Variants in VAV2 observed in about 807,000 individuals in gnomAD.
The protein encoded by VAV2 is vav guanine nucleotide exchange factor 2.
In VAV2, 67 loss-of-function variants were observed where a neutral mutation model predicts 132.5. The observed-to-expected ratio is 0.51, with a 90% confidence interval of 0.42 to 0.62. The LOEUF is 0.62. Among genes scored for constraint, VAV2 ranks in the 20% least tolerant of loss-of-function variants. The pLI is 0.00. For synonymous variants in VAV2, 492 were observed against 443.5 expected, an observed-to-expected ratio of 1.11 and a Z score of -1.37; for missense variants, 938 against 1,153.6, an observed-to-expected ratio of 0.81 and a Z score of 2.71.
At chr9:133,856,456 CCCCCCACCGGGACCCCATGCTGGTATGTG>C (rs1837388892) in intron 3 of VAV2, among the ~76,000 whole-genome samples, 1 of 151,364 alleles carries the variant, frequency 6.6e-6, no homozygotes, top group African/African-American at 2.4e-5. Context: ...CTGGTATGTG[CCCCCCACCGGGACCCCATGCTGGTATGTG>C]CCCCCCACTG....
intron 4 of VAV2, among the ~76,000 whole-genome samples, chr9:133,827,051 A>C (rs575799174): frequency 7.9e-5 from 12 of 152,272 alleles, no homozygotes; most frequent in African/African-American, 2.6e-4. Context: ...TGAACAGAAA[A>C]TGGGAACTAG....
At chr9:133,986,571 C>T (rs771179895) in intron 1 of VAV2, among the ~76,000 whole-genome samples, 29 of 152,280 alleles carry the variant, frequency 1.9e-4, no homozygotes, top group Non-Finnish European at 3.4e-4. Context: ...GAGGAGAATG[C>T]CCTTGTTTGC....
In VAV2 at chr9:133,788,267, C is replaced by A. The variant is rs1834312479; in HGVS notation, c.1407+87G>T. 2.7e-6 allele frequency: 3 copies of A among 1,096,222 alleles called. No homozygotes were observed. The Admixed American group carries it at 6.3e-5, about 23-fold the overall frequency. The allele number at this position is 1,096,222 out of a possible 1,614,324, so 67.9% of individuals were successfully genotyped here. ...CCAGCATCAGCGGCTGACTTCGAGT[C>A]CCCTTCCCCTGGGGTCTGGAACCCA... On this transcript the variant is annotated intron_variant, in intron 15 of 29. Coordinates refer to ENST00000371850, the MANE Select transcript of VAV2 (RefSeq NM_001134398.2). This position sits in a 1 kb window ranked among gnomAD's most constrained non-coding sequence, Gnocchi z 5.3.
chr9:133,874,886 C>T (rs114065928), intron 2 of VAV2, among the ~76,000 whole-genome samples: 10 of 152,286 alleles, frequency 6.6e-5, no homozygotes, highest in Middle Eastern at 6.8e-3. Context: ...TGGAGCCAGG[C>T]GCTGTGCATG....
intron 1 of VAV2, among the ~76,000 whole-genome samples, chr9:133,975,889 T>C (rs1842488421): frequency 6.6e-6 from 1 of 152,140 alleles, no homozygotes; most frequent in Non-Finnish European, 1.5e-5. Context: ...TCTTCTCTTG[T>C]CAGGGGACTT....
intron 2 of VAV2, among the ~76,000 whole-genome samples, chr9:133,866,334 T>C (rs532264563): frequency 6.8e-4 from 104 of 152,350 alleles, no homozygotes; most frequent in Non-Finnish European, 8.5e-4. Flanking sequence ...GAGCCCACGC[T>C]CACTGGACCA....
At chr9:133,852,848 G>T (rs759819044) in intron 3 of VAV2, among the ~76,000 whole-genome samples, 1 of 151,896 alleles carries the variant, frequency 6.6e-6, no homozygotes, top group Non-Finnish European at 1.5e-5. Context: ...TGCAGGGTGG[G>T]GGCACAGCCC....
chr9:133,823,657 G>T lies in VAV2; in HGVS notation c.449+10615C>A, dbSNP rs116388255. On this transcript the variant is annotated intron_variant, in intron 4 of 29. Transcript: ENST00000371850. This position sits in a 1 kb window ranked among gnomAD's most constrained non-coding sequence, Gnocchi z 5.5. Reference sequence around the variant, plus strand: ...ACAGCACAGCCCTCTCATTCGGGCCGAAGCCCAGCTGCCTACTCCTTCCTG... The same window carrying T: ...ACAGCACAGCCCTCTCATTCGGGCCTAAGCCCAGCTGCCTACTCCTTCCTG... Among the ~76,000 whole-genome samples the T allele has an allele frequency of 9.0e-3, 1,365 of 152,238 alleles. 2 individuals are homozygous for T. Among genetic ancestry groups the T allele is most frequent in the African/African-American group, 0.019 (804 of 41,538 alleles).
intron 2 of VAV2, among the ~76,000 whole-genome samples, chr9:133,913,221 C>T (rs954255096): frequency 6.6e-6 from 1 of 152,208 alleles, no homozygotes; most frequent in Non-Finnish European, 1.5e-5. Context: ...CCCCTGTGCT[C>T]CCAAACAACG....
chr9:133,911,521 G>A (rs754614542), intron 2 of VAV2, among the ~76,000 whole-genome samples: 1 of 152,124 alleles, frequency 6.6e-6, no homozygotes, highest in Non-Finnish European at 1.5e-5. Context: ...GTACACACCC[G>A]TGACACTGTC....
At position 133,918,632 on chromosome 9, in the gene VAV2, T is replaced by C. The variant is rs1484836101; in HGVS notation, c.321+20471A>G. ...AAGAAAGCTGAGGCCCACAGAGTCATGTAGCATGCCCGAGGTCGCGCCTTT... is the reference window on the plus strand; with the variant it reads ...AAGAAAGCTGAGGCCCACAGAGTCACGTAGCATGCCCGAGGTCGCGCCTTT... On this transcript the variant is annotated intron_variant, in intron 2 of 29. Coordinates refer to ENST00000371850, the MANE Select transcript of VAV2 (RefSeq NM_001134398.2). This position sits in a 1 kb window ranked among gnomAD's most constrained non-coding sequence, Gnocchi z 4.7. Among the ~76,000 whole-genome samples the C allele has an allele frequency of 6.6e-6, 1 of 152,060 alleles. No individual in the cohort carries two copies. Among genetic ancestry groups the C allele is most frequent in the Non-Finnish European group, 1.5e-5 (1 of 68,012 alleles).
intron 3 of VAV2, among the ~76,000 whole-genome samples, chr9:133,844,098 C>T (rs902893107): frequency 2.0e-5 from 3 of 152,304 alleles, no homozygotes; most frequent in Non-Finnish European, 2.9e-5. Flanking sequence ...GAGGAAGACA[C>T]GGATCTCACA....
At chr9:133,779,538 A>G (rs185724847) in intron 21 of VAV2, among the ~76,000 whole-genome samples, 1 of 152,366 alleles carries the variant, frequency 6.6e-6, no homozygotes, top group East Asian at 1.9e-4. Context: ...CGCTGTGTCT[A>G]GAAGCACGTT....
chr9:133,854,572 T>C (rs971412266), intron 3 of VAV2, among the ~76,000 whole-genome samples: 5 of 152,146 alleles, frequency 3.3e-5, no homozygotes, highest in African/African-American at 7.2e-5. Context: ...GGTGCCAGAC[T>C]GATGGAGCAA....
chr9:133,870,123 C>T (rs990242483), intron 2 of VAV2, among the ~76,000 whole-genome samples: 4 of 152,118 alleles, frequency 2.6e-5, no homozygotes, highest in Non-Finnish European at 5.9e-5. Flanking sequence ...CACAGCTTCA[C>T]ATTCAGGTTT....
In VAV2 at chr9:133,776,038, C is replaced by T; in HGVS notation, c.2008G>A (p.Ala670Thr). 1 of 1,612,744 alleles carries T rather than the reference C, an allele frequency of 6.2e-7. No individual in the cohort carries two copies. The highest frequency in any genetic ancestry group is 8.5e-7 in the Non-Finnish European group (1 of 1,179,502). ...RPPSREIDYT[A>T]YPWFAGNMER... Reference sequence around the variant, plus strand: ...CCACGATCCACTCACCAGGGGTATGCAGTGTAGTCGATCTCCCGGGATGGC... The same window carrying T: ...CCACGATCCACTCACCAGGGGTATGTAGTGTAGTCGATCTCCCGGGATGGC... The change falls in exon 24 of 30, where the codon GCA becomes ACA. Residue 670 changes from alanine (A) to threonine (T), a missense_variant. Ala to Thr is a moderately conservative substitution (Grantham distance 58). Coordinates refer to ENST00000371850, the MANE Select transcript of VAV2 (RefSeq NM_001134398.2).
At chr9:133,850,077 C>T (rs922624276) in intron 3 of VAV2, among the ~76,000 whole-genome samples, 2 of 152,206 alleles carry the variant, frequency 1.3e-5, no homozygotes, top group African/African-American at 4.8e-5. Context: ...TGAGAACCAC[C>T]TCTTGCGGCT....
At chr9:133,954,780 ATG>A (rs1564497384) in intron 1 of VAV2, among the ~76,000 whole-genome samples, 1 of 136,368 alleles carries the variant, frequency 7.3e-6, no homozygotes, top group Non-Finnish European at 1.6e-5. Context: ...GTGCACATGT[ATG>A]TGTGCATGCT....
rs1325387317 is a variant in VAV2 at position 133,802,553 on chromosome 9, G to A, written c.836+3528C>T. Among the ~76,000 whole-genome samples the A allele has an allele frequency of 2.0e-5, 3 of 152,162 alleles. No individual in the cohort carries two copies. Among genetic ancestry groups the A allele is most frequent in the Admixed American group, 6.5e-5 (1 of 15,288 alleles). Reference sequence around the variant, plus strand: ...GCCCGCCGTGTCCAGCATCCTGCCCGACCTCCCCTCTCTGCTGACAAGGTA... The same window carrying A: ...GCCCGCCGTGTCCAGCATCCTGCCCAACCTCCCCTCTCTGCTGACAAGGTA... On this transcript the variant is annotated intron_variant, in intron 9 of 29. Coordinates refer to ENST00000371850, the MANE Select transcript of VAV2 (RefSeq NM_001134398.2). The surrounding 1 kb of genome is among the most constrained non-coding windows in gnomAD (Gnocchi z 5.8).
Sources: gnomAD v4.1 joint callset for allele counts (sites outside exome capture counted in the v4.1 genomes callset) on GRCh38, gnomAD v4.1.1 for gene constraint, Gnocchi (gnomAD v3.1) non-coding constraint, MANE v1.5 for transcripts, NCBI Gene and HGNC (gene_info 2026-07-23, HGNC 2026-07-21) for gene names.